SLC30A8: variants seen among roughly 807,000 people sequenced by gnomAD.
SLC30A8 encodes proton-coupled zinc antiporter SLC30A8.
Under a neutral mutation model 36.9 loss-of-function variants are expected in SLC30A8, and 27 were observed. The observed-to-expected ratio is 0.73, with a 90% CI of 0.54 to 1.01. The LOEUF is 1.01. SLC30A8 is among the 50% of genes least tolerant of loss of function. SLC30A8 has a pLI of 0.00. For synonymous variants in SLC30A8, 164 were observed against 172.4 expected (o/e 0.95, Z 0.38); for missense variants, 439 against 452.0 (o/e 0.97, Z 0.26).
At chr8:117,138,738 GC>G (rs1327768518) in intron 1 of SLC30A8, among the ~76,000 whole-genome samples, 2 of 151,924 alleles carry the variant, frequency 1.3e-5, no homozygotes, top group East Asian at 3.9e-4. Context: ...GGAGGCATAA[GC>G]AAAAAAGACT....
chr8:116,994,131 A>G (rs1178451748), intron 1 of SLC30A8, among the ~76,000 whole-genome samples: 1 of 152,124 alleles, frequency 6.6e-6, no homozygotes, highest in East Asian at 1.9e-4. Context: ...AAGAAGAAAT[A>G]AAACCACTTC....
At chr8:117,000,900 A>G (rs928776450) in intron 1 of SLC30A8, among the ~76,000 whole-genome samples, 1 of 152,222 alleles carries the variant, frequency 6.6e-6, no homozygotes, top group African/African-American at 2.4e-5. Context: ...ATAATAATAC[A>G]TAGAGTTTAG....
At chr8:117,025,825 A>G (rs530352027) in intron 1 of SLC30A8, among the ~76,000 whole-genome samples, 63 of 152,322 alleles carry the variant, frequency 4.1e-4, no homozygotes, top group African/African-American at 1.5e-3. Flanking sequence ...AGATGCTACT[A>G]TGCTGAATAC....
At chr8:117,138,203 G>A (rs980323287) in intron 1 of SLC30A8, among the ~76,000 whole-genome samples, 3 of 151,820 alleles carry the variant, frequency 2.0e-5, no homozygotes, top group African/African-American at 7.3e-5. Flanking sequence ...TTGAAGAAGT[G>A]CAGAGGAAGT....
chr8:117,061,268 A>G (rs576991003), intron 2 of SLC30A8, among the ~76,000 whole-genome samples: 2 of 152,332 alleles, frequency 1.3e-5, no homozygotes, highest in African/African-American at 2.4e-5. Context: ...ACCCATTTGC[A>G]TGCATTTGGT....
At chr8:117,028,495 T>C (rs1276836063) in intron 1 of SLC30A8, among the ~76,000 whole-genome samples, 1 of 151,904 alleles carries the variant, frequency 6.6e-6, no homozygotes, top group Non-Finnish European at 1.5e-5. Context: ...ATTAGAAACA[T>C]GAGCTAGCCT....
intron 2 of SLC30A8, among the ~76,000 whole-genome samples, chr8:117,117,019 A>G (rs1820471806): frequency 6.6e-6 from 1 of 152,004 alleles, no homozygotes. Context: ...TGAATGCTGT[A>G]GCCCTCCAGA....
In SLC30A8 at chr8:117,013,078, CTG is replaced by C. The variant is rs766936972; in HGVS notation, c.-265-26137_-265-26136del. Among the ~76,000 whole-genome samples the C allele has an allele frequency of 6.6e-4, 100 of 152,052 alleles. 2 individuals carry two copies. Among genetic ancestry groups the C allele is most frequent in the Non-Finnish European group, 3.1e-4 (21 of 68,022 alleles). The stretch of plus-strand genomic sequence containing the variant: ...TACTTTCTTGGAGATTCATTACTAC[CTG>C]TGTCAGGAGAGGTATAGCTTTGAGA... On this transcript the variant is annotated intron_variant, in intron 1 of 10. Transcript: ENST00000427715.
At chr8:117,089,498 G>T (rs910559926) in intron 2 of SLC30A8, among the ~76,000 whole-genome samples, 5 of 152,110 alleles carry the variant, frequency 3.3e-5, no homozygotes, top group African/African-American at 1.2e-4. Flanking sequence ...CCAATACCCA[G>T]TCATCAGAAA....
intron 1 of SLC30A8, among the ~76,000 whole-genome samples, chr8:117,016,600 C>T (rs1002631574): frequency 5.9e-5 from 9 of 152,162 alleles, no homozygotes; most frequent in African/African-American, 1.9e-4. Context: ...CAAATACTGT[C>T]ATCATTTCAG....
chr8:117,045,932 C>G (rs560367212), intron 2 of SLC30A8, among the ~76,000 whole-genome samples: 118 of 151,816 alleles, frequency 7.8e-4, no homozygotes, highest in African/African-American at 2.7e-3. Context: ...TTTTTTTTCC[C>G]CCTTCTTTTT....
intron 7 of SLC30A8, among the ~76,000 whole-genome samples, 168 bp downstream of exon 7, chr8:117,171,336 G>A (rs892088891): frequency 6.6e-6 from 1 of 151,996 alleles, no homozygotes; most frequent in Non-Finnish European, 1.5e-5. Flanking sequence ...TATTGATGTT[G>A]TCATAGCAAC....
chr8:117,031,963 A>C (rs1266521200), intron 1 of SLC30A8, among the ~76,000 whole-genome samples: 1 of 152,012 alleles, frequency 6.6e-6, no homozygotes, highest in Admixed American at 6.6e-5. Context: ...TTTCCTTTCC[A>C]CTTTCACTCC....
intron 2 of SLC30A8, among the ~76,000 whole-genome samples, chr8:117,122,643 T>G (rs967190732): frequency 6.6e-6 from 1 of 152,010 alleles, no homozygotes; most frequent in Non-Finnish European, 1.5e-5. Context: ...AGGTAGGCAA[T>G]TTTAAACATT....
At chr8:117,108,837 A>T (rs1820106658) in intron 2 of SLC30A8, among the ~76,000 whole-genome samples, 1 of 152,228 alleles carries the variant, frequency 6.6e-6, no homozygotes, top group African/African-American at 2.4e-5. Context: ...ACAAATTGTT[A>T]TCGAGGTCCT....
intron 2 of SLC30A8, among the ~76,000 whole-genome samples, chr8:117,115,846 G>A (rs928441966): frequency 1.3e-5 from 2 of 152,020 alleles, no homozygotes; most frequent in African/African-American, 4.8e-5. Flanking sequence ...ATTCCATAGA[G>A]AGGAAATGCA....
rs550900962 is a variant in SLC30A8, at chr8:117,150,890, C to T, written c.272-2054C>T. ...GAAGTGCTGAGATTACAGGCGTGAGCCACCAAGCCCGGCCAGAAGTCTCTC... is the reference window on the plus strand; with the variant it reads ...GAAGTGCTGAGATTACAGGCGTGAGTCACCAAGCCCGGCCAGAAGTCTCTC... On this transcript the variant is annotated intron_variant, in intron 2 of 7. Transcript: ENST00000456015. Among the ~76,000 whole-genome samples, 10 of 152,228 alleles carry T rather than the reference C, an allele frequency of 6.6e-5. No homozygotes were observed. The South Asian group carries it at 2.1e-3, about 32-fold the overall frequency.
Position 117,147,158 on chromosome 8 carries a change from G to A in SLC30A8, c.271+5G>A. The A allele has an allele frequency of 6.2e-7, 1 of 1,612,670 alleles. No individual in the cohort carries two copies. Among genetic ancestry groups the A allele is most frequent in the Non-Finnish European group, 8.5e-7 (1 of 1,179,432 alleles). On this transcript the variant is annotated splice_donor_5th_base_variant and intron_variant, in intron 2 of 7. Coordinates refer to ENST00000456015, the MANE Select transcript of SLC30A8 (RefSeq NM_173851.3). ...TCATGATTGCAGAGGTCGTGGGTGA[G>A]TCTTTCTGCAGACTTTTTTCATTAA...
intron 1 of SLC30A8, among the ~76,000 whole-genome samples, chr8:117,032,748 G>C (rs1817094959): frequency 6.6e-6 from 1 of 152,024 alleles, no homozygotes; most frequent in African/African-American, 2.4e-5. Context: ...AAATTAGCCG[G>C]GTGTGGTGGT....
Sources: gnomAD v4.1 joint callset for allele counts (sites outside exome capture counted in the v4.1 genomes callset) on GRCh38, gnomAD v4.1.1 for gene constraint, MANE v1.5 for transcripts, NCBI Gene and HGNC (gene_info 2026-07-23, HGNC 2026-07-21) for gene names.